The following TACC1 variants were observed in gnomAD, a reference collection of about 807,000 sequenced individuals.
TACC1 encodes transforming acidic coiled-coil-containing protein 1.
A neutral mutation model predicts 84.4 loss-of-function variants in TACC1; 48 were observed. The observed-to-expected ratio is 0.57, with a 90% CI of 0.45 to 0.72. TACC1 has a LOEUF of 0.72. Among genes scored for constraint, TACC1 ranks in the 30% least tolerant of loss-of-function variants. TACC1 has a pLI of 0.00. For synonymous variants in TACC1, 372 were observed against 376.3 expected, an observed-to-expected ratio of 0.99 and a Z score of 0.13; for missense variants, 920 against 973.0, an observed-to-expected ratio of 0.95 and a Z score of 0.72.
chr8:38,831,879 T>C (rs1829327701), intron 6 of TACC1, among the ~76,000 whole-genome samples: 1 of 151,550 alleles, frequency 6.6e-6, no homozygotes, highest in Non-Finnish European at 1.5e-5. Flanking sequence ...CAATCTCGGC[T>C]CACTACAACC....
chr8:38,829,112 T>A (rs961608142), intron 5 of TACC1, among the ~76,000 whole-genome samples: 1 of 152,226 alleles, frequency 6.6e-6, no homozygotes, highest in South Asian at 2.1e-4. Context: ...ATGAAAAGTT[T>A]AGAACCATGT....
In TACC1 at chr8:38,760,034, T is replaced by A. The variant is rs999337896; in HGVS notation, c.26+14541T>A. On this transcript the variant is annotated intron_variant, in intron 3 of 14. Coordinates refer to the TACC1 transcript ENST00000518415. ...CTTTTCAAAATCTATTGTTCTTTTT[T>A]TAAAAAAAAAAAATACATGAAAGTC... 7.7e-3 allele frequency among the ~76,000 whole-genome samples: 1,144 copies of A among 149,264 alleles called. 11 individuals carry two copies. The highest frequency in any genetic ancestry group is 0.024 in the African/African-American group (982 of 40,650).
In TACC1 at chr8:38,849,035, G is replaced by T. The variant is rs1832765496; in HGVS notation, c.*1012G>T. 6.6e-6 allele frequency: 1 copy of T among 151,522 alleles called. No homozygotes were observed. Among genetic ancestry groups the T allele is most frequent in the South Asian group, 2.1e-4 (1 of 4,798 alleles). 9.4% of individuals were successfully genotyped at this position (151,522 alleles called of 1,614,324 possible). A position where few individuals can be genotyped will look rare whatever the true frequency, so the allele number is the denominator to read the frequency against. On this transcript the variant is annotated 3_prime_UTR_variant, in exon 13 of 13. Coordinates refer to ENST00000317827, the MANE Select transcript of TACC1 (RefSeq NM_006283.3). ...AGAAAATCTACTTGTAAAAGGCTCA[G>T]ATCTTAATTAAAAGGTAATTGTAGC...
At chr8:38,729,256 G>C (rs1055895232) in intron 1 of TACC1, among the ~76,000 whole-genome samples, 2 of 152,204 alleles carry the variant, frequency 1.3e-5, no homozygotes, top group African/African-American at 2.4e-5. Context: ...TGTTTCTCCG[G>C]GTGCAGGGAT....
At chr8:38,807,491 T>C (rs1322944069) in intron 2 of TACC1, among the ~76,000 whole-genome samples, 2 of 152,178 alleles carry the variant, frequency 1.3e-5, no homozygotes, top group East Asian at 1.9e-4. Flanking sequence ...TGAAAGGAGC[T>C]CTTAGACAAT....
chr8:38,782,297 T>G (rs1319507932), upstream of TACC1, among the ~76,000 whole-genome samples: 1 of 152,142 alleles, frequency 6.6e-6, no homozygotes, highest in Non-Finnish European at 1.5e-5. Flanking sequence ...TGCGATAGTT[T>G]ACTGAGAATG....
At chr8:38,775,590 T>C (rs1006334002) in intron 3 of TACC1, among the ~76,000 whole-genome samples, 17 of 152,234 alleles carry the variant, frequency 1.1e-4, no homozygotes, top group African/African-American at 4.1e-4. Flanking sequence ...TGGGGTCTCT[T>C]TTATAAGGGC....
rs568693453 is a variant in TACC1 at position 38,740,299 on chromosome 8, A to G, written c.-674-2052A>G. On this transcript the variant is annotated intron_variant, in intron 1 of 14. Coordinates refer to the TACC1 transcript ENST00000518415. Reference sequence around the variant, plus strand: ...CCATTCCATTCCACACATTCAGCCCACTTTGCTCAAGCCTCTGCTTCCCTT... The same window carrying G: ...CCATTCCATTCCACACATTCAGCCCGCTTTGCTCAAGCCTCTGCTTCCCTT... 2.6e-5 allele frequency among the ~76,000 whole-genome samples: 4 copies of G among 152,182 alleles called. No homozygotes were observed. In the South Asian group the frequency reaches 8.3e-4, roughly 32 times the overall value.
In TACC1 at chr8:38,850,859, A is replaced by G. The variant is rs906763105; in HGVS notation, c.*2836A>G. On this transcript the variant is annotated 3_prime_UTR_variant, in exon 13 of 13. Coordinates refer to ENST00000317827, the MANE Select transcript of TACC1 (RefSeq NM_006283.3). ...CTGGCCTAGATGTTGGTTTGGGAATATTAGGTGATCCTGTTGAGATTCTGG... is the reference window on the plus strand; with the variant it reads ...CTGGCCTAGATGTTGGTTTGGGAATGTTAGGTGATCCTGTTGAGATTCTGG... 6.6e-6 allele frequency: 1 copy of G among 151,844 alleles called. No individual in the cohort carries two copies. Among genetic ancestry groups the G allele is most frequent in the Admixed American group, 6.6e-5 (1 of 15,184 alleles). The allele number at this position is 151,844 out of a possible 1,614,324, so 9.4% of individuals were successfully genotyped here.
In TACC1 at chr8:38,820,429, C is replaced by A. The variant is rs373798919; in HGVS notation, c.1185C>A (p.Asn395Lys). The change falls in exon 3 of 13, where the codon AAC becomes AAA. Residue 395 changes from asparagine to lysine, a missense_variant. This residue lies in a region of TACC1 where 762 missense variants were observed against 747.3 expected (regional missense o/e 1.02). Coordinates refer to ENST00000317827, the MANE Select transcript of TACC1 (RefSeq NM_006283.3). The stretch of plus-strand genomic sequence containing the variant: ...GTCAGTGGGAAAGCCCCAGCTTCAA[C>A]CCCTTTGGGAGCCACTCTGTTCTGC... ...DPSQWESPSF[N>K]PFGSHSVLQN... 9.3e-6 allele frequency: 15 copies of A among 1,614,068 alleles called. No homozygotes were observed. In the African/African-American group the frequency reaches 2.0e-4, roughly 22 times the overall value.
At chr8:38,757,290 G>T in intron 3 of TACC1, 1 of 1,233,210 alleles carries the variant, frequency 8.1e-7, no homozygotes, top group South Asian at 1.3e-5. Flanking sequence ...GCCGCCCGCC[G>T]CCCAGCACAG....
chr8:38,819,148 C>CT (rs1175228053), intron 2 of TACC1, among the ~76,000 whole-genome samples: 1 of 152,222 alleles, frequency 6.6e-6, no homozygotes, highest in African/African-American at 2.4e-5. Context: ...ATCTGCCTCC[C>CT]TGCACCATAG....
At chr8:38,747,484 C>T (rs748086236) in intron 3 of TACC1, among the ~76,000 whole-genome samples, 1 of 152,012 alleles carries the variant, frequency 6.6e-6, no homozygotes. Flanking sequence ...ATGGATAAAC[C>T]GTGATATATC....
chr8:38,781,844 G>T (rs1816054342), intron 3 of TACC1, among the ~76,000 whole-genome samples: 1 of 152,052 alleles, frequency 6.6e-6, no homozygotes, highest in Admixed American at 6.5e-5. Context: ...CATAGAGGAA[G>T]TTTCAGATGG....
At chr8:38,755,255 A>G (rs1809785828) in intron 3 of TACC1, among the ~76,000 whole-genome samples, 2 of 152,030 alleles carry the variant, frequency 1.3e-5, no homozygotes, top group Admixed American at 1.3e-4. Flanking sequence ...AGTCACATAT[A>G]TCTTTATTCC....
intron 2 of TACC1, among the ~76,000 whole-genome samples, chr8:38,814,103 A>T (rs944222506): frequency 1.1e-4 from 16 of 152,164 alleles, no homozygotes; most frequent in African/African-American, 3.6e-4. Context: ...TATTTGTGTC[A>T]CTTGGATAAT....
chr8:38,733,091 G>A (rs1269711883), intron 1 of TACC1, among the ~76,000 whole-genome samples: 3 of 152,154 alleles, frequency 2.0e-5, no homozygotes, highest in Admixed American at 1.3e-4. Context: ...AGGTAAAATC[G>A]TGAAGCAAGT....
At chr8:38,780,622 TTTTTTTTTG>T (rs1815759317) in intron 3 of TACC1, among the ~76,000 whole-genome samples, 2 of 140,884 alleles carry the variant, frequency 1.4e-5, no homozygotes, top group South Asian at 4.4e-4. Context: ...GTTGGTGTTG[TTTTTTTTTG>T]TTTTTTTTTT....
At chr8:38,839,307 T>A (rs1830784879) in intron 8 of TACC1, 1 of 395,828 alleles carries the variant, frequency 2.5e-6, no homozygotes, top group South Asian at 1.3e-4. Flanking sequence ...CGAAATCTTT[T>A]TATTTTTCCT....
Sources: allele counts gnomAD v4.1 joint callset (sites outside exome capture counted in the v4.1 genomes callset), GRCh38; gene constraint gnomAD v4.1.1; regional missense constraint gnomAD v4.1.1; transcripts MANE v1.5; gene names NCBI Gene and HGNC (gene_info 2026-07-23, HGNC 2026-07-21).